Variants in SUGCT observed in about 807,000 individuals in gnomAD.
SUGCT encodes succinyl-CoA:glutarate CoA-transferase.
In SUGCT, 41 loss-of-function variants were observed where a neutral mutation model predicts 55.0. That is an observed-to-expected ratio of 0.74 (90% CI 0.58 to 0.97). SUGCT has a LOEUF of 0.97. SUGCT is among the 50% of genes least tolerant of loss of function. The pLI is 0.00. For synonymous variants in SUGCT, 187 were observed against 200.4 expected, an observed-to-expected ratio of 0.93 and a Z score of 0.56; for missense variants, 568 against 547.8, an observed-to-expected ratio of 1.04 and a Z score of -0.37.
At chr7:40,772,953 T>TGGTGTGAAC (rs1789253632) in intron 13 of SUGCT, among the ~76,000 whole-genome samples, 1 of 152,190 alleles carries the variant, frequency 6.6e-6, no homozygotes. Flanking sequence ...TGAAATTCTT[T>TGGTGTGAAC]ATAAAATTAC....
the SUGCT span, among the ~76,000 whole-genome samples, chr7:41,016,175 C>A: frequency 6.6e-6 from 1 of 152,168 alleles, no homozygotes; most frequent in Non-Finnish European, 1.5e-5. Context: ...AAGTCACTTA[C>A]AATTTAAGTT....
At chr7:40,504,971 C>T (rs1294125476) in intron 12 of SUGCT, among the ~76,000 whole-genome samples, 1 of 152,078 alleles carries the variant, frequency 6.6e-6, no homozygotes, top group Non-Finnish European at 1.5e-5. Context: ...GATTTCAGCT[C>T]TTTTATATTC....
intron 12 of SUGCT, among the ~76,000 whole-genome samples, chr7:40,685,067 G>A (rs1015061152): frequency 1.3e-5 from 2 of 151,930 alleles, no homozygotes; most frequent in African/African-American, 4.8e-5. Flanking sequence ...ATGTTGGTCA[G>A]GCTGGTCTCA....
the SUGCT span, among the ~76,000 whole-genome samples, chr7:41,002,023 T>C: frequency 6.6e-6 from 1 of 152,150 alleles, no homozygotes; most frequent in African/African-American, 2.4e-5. Flanking sequence ...ACTGCGAACT[T>C]TTTTTTGTTT....
In SUGCT at chr7:40,361,710, C is replaced by T. The variant is rs75474159; in HGVS notation, c.816+44855C>T. Reference sequence around the variant, plus strand: ...GGCTTACTGTAGTGTTTTGGTATTTCGATTTTTGAATGATAAAGGCAGTGG... The same window carrying T: ...GGCTTACTGTAGTGTTTTGGTATTTTGATTTTTGAATGATAAAGGCAGTGG... On this transcript the variant is annotated intron_variant, in intron 9 of 13. Transcript: ENST00000335693. Among the ~76,000 whole-genome samples, 1,458 of 152,092 alleles carry T rather than the reference C, an allele frequency of 9.6e-3. 20 individuals are homozygous for T. The highest frequency in any genetic ancestry group is 0.033 in the African/African-American group (1,388 of 41,490).
chr7:40,674,556 G>A (rs949969592), intron 12 of SUGCT, among the ~76,000 whole-genome samples: 16 of 152,172 alleles, frequency 1.1e-4, no homozygotes, highest in African/African-American at 3.9e-4. Context: ...GAAAGAACCT[G>A]GACGGGGACC....
At chr7:40,900,498 A>G in the SUGCT span, among the ~76,000 whole-genome samples, 7 of 152,354 alleles carry the variant, frequency 4.6e-5, no homozygotes, top group South Asian at 1.5e-3. Flanking sequence ...TGTGAAAGAA[A>G]ACTATCTTTA....
intron 11 of SUGCT, among the ~76,000 whole-genome samples, chr7:40,465,306 A>T (rs900237828): frequency 3.3e-5 from 5 of 152,172 alleles, no homozygotes; most frequent in Non-Finnish European, 7.4e-5. Context: ...TGAATCAAGC[A>T]TTTAGGCTGG....
At chr7:40,446,174 G>A (rs1163884909) in intron 9 of SUGCT, among the ~76,000 whole-genome samples, 6 of 151,874 alleles carry the variant, frequency 4.0e-5, no homozygotes, top group Non-Finnish European at 8.8e-5. Flanking sequence ...ATATGTTGGC[G>A]GCTGCAGGGA....
chr7:40,902,000 C>T, the SUGCT span, among the ~76,000 whole-genome samples: 1 of 152,138 alleles, frequency 6.6e-6, no homozygotes, highest in Non-Finnish European at 1.5e-5. Flanking sequence ...AACACAGTAT[C>T]GTTTTCATGC....
intron 13 of SUGCT, among the ~76,000 whole-genome samples, chr7:40,849,307 T>G (rs1209001005): frequency 2.0e-5 from 3 of 152,220 alleles, no homozygotes; most frequent in African/African-American, 7.2e-5. Flanking sequence ...TTAATTCTTA[T>G]TTCCATTGTG....
At position 40,791,747 on chromosome 7, in the gene SUGCT, C is replaced by A. The variant is rs1280255329; in HGVS notation, c.1153+42250C>A. On this transcript the variant is annotated intron_variant, in intron 13 of 13. Coordinates refer to ENST00000335693, the MANE Select transcript of SUGCT (RefSeq NM_001193313.2). Reference sequence around the variant, plus strand: ...GATTTACATTTTGTCTTATTTCAGTCCAAATTCCTAATGCTGAAATAATCC... The same window carrying A: ...GATTTACATTTTGTCTTATTTCAGTACAAATTCCTAATGCTGAAATAATCC... 3.9e-5 allele frequency among the ~76,000 whole-genome samples: 6 copies of A among 152,108 alleles called. 1 individual carries two copies. Among genetic ancestry groups the A allele is most frequent in the Admixed American group, 3.9e-4 (6 of 15,264 alleles).
At chr7:40,193,217 C>T (rs887478524) in intron 5 of SUGCT, among the ~76,000 whole-genome samples, 6 of 150,676 alleles carry the variant, frequency 4.0e-5, no homozygotes, top group South Asian at 4.2e-4. Flanking sequence ...TCTATCCCCC[C>T]GACTCAGCCT....
intron 6 of SUGCT, among the ~76,000 whole-genome samples, chr7:40,214,969 A>G (rs1430206843): frequency 6.6e-6 from 1 of 152,062 alleles, no homozygotes; most frequent in Non-Finnish European, 1.5e-5. Context: ...GTGTATATGT[A>G]TAGAGGAGAG....
At chr7:40,710,300 T>A (rs2128670805) in intron 12 of SUGCT, among the ~76,000 whole-genome samples, 1 of 152,304 alleles carries the variant, frequency 6.6e-6, no homozygotes, top group South Asian at 2.1e-4. Flanking sequence ...GACACAACCT[T>A]GAAGTTGCTT....
At chr7:40,515,703 C>G (rs1399818162) in intron 12 of SUGCT, among the ~76,000 whole-genome samples, 1 of 152,118 alleles carries the variant, frequency 6.6e-6, no homozygotes, top group Non-Finnish European at 1.5e-5. Context: ...CCACATTTTA[C>G]TCAGCCATTT....
chr7:40,771,655 G>A (rs1014364965), intron 13 of SUGCT, among the ~76,000 whole-genome samples: 1 of 151,790 alleles, frequency 6.6e-6, no homozygotes, highest in African/African-American at 2.4e-5. Flanking sequence ...TTTTTCTTAC[G>A]GATACTATTT....
chr7:40,313,131 A>G (rs1308109654), intron 8 of SUGCT, among the ~76,000 whole-genome samples: 1 of 152,204 alleles, frequency 6.6e-6, no homozygotes, highest in Admixed American at 6.5e-5. Flanking sequence ...CCACTCTGTT[A>G]TCTAAAATAA....
chr7:40,897,485 C>G, the SUGCT span, among the ~76,000 whole-genome samples: 5 of 150,682 alleles, frequency 3.3e-5, no homozygotes, highest in African/African-American at 9.7e-5. Context: ...TGGGGTTTAC[C>G]TTCCAGCACG....
Sources: allele counts gnomAD v4.1 joint callset (sites outside exome capture counted in the v4.1 genomes callset), GRCh38; gene constraint gnomAD v4.1.1; transcripts MANE v1.5; gene names NCBI Gene and HGNC (gene_info 2026-07-23, HGNC 2026-07-21).